The following NLK variants were observed in gnomAD, a reference collection of about 807,000 sequenced individuals.
NLK encodes serine/threonine-protein kinase NLK.
In NLK, 11 loss-of-function variants were observed where a neutral mutation model predicts 59.0. The ratio of observed to expected loss-of-function variants is 0.19; its 90% CI spans 0.12 to 0.31. NLK has a LOEUF of 0.31. Ranked by LOEUF, NLK falls within the 10% of genes least tolerant of loss-of-function variation. NLK has a pLI of 1.00. For synonymous variants in NLK, 235 were observed against 235.9 expected, an observed-to-expected ratio of 1.00 and a Z score of 0.03; for missense variants, 410 against 661.1, an observed-to-expected ratio of 0.62 and a Z score of 4.16.
intron 2 of NLK, among the ~76,000 whole-genome samples, 181 bp downstream of exon 2, chr17:28,122,913 AG>A (rs1906127198): frequency 6.6e-6 from 1 of 152,188 alleles, no homozygotes; most frequent in Admixed American, 6.5e-5. Context: ...ACCTATTGAT[AG>A]GCTTTCAATT....
chr17:28,133,213 CAT>C (rs1205738702), intron 3 of NLK, among the ~76,000 whole-genome samples: 2 of 152,150 alleles, frequency 1.3e-5, no homozygotes, highest in African/African-American at 2.4e-5. Context: ...GCTCTTTACA[CAT>C]GTTTATTTAA....
Position 28,194,602 on chromosome 17 carries a change from C to A in NLK, c.1550C>A (p.Ser517Tyr). ...SFISSTVAQP[S>Y]EMPPSPLVWE Reference sequence around the variant, plus strand: ...TCCAGTTCCACTGTTGCTCAGCCATCTGAGATGCCCCCATCTCCTCTGGTG... The same window carrying A: ...TCCAGTTCCACTGTTGCTCAGCCATATGAGATGCCCCCATCTCCTCTGGTG... The change falls in exon 11 of 11, where the codon TCT becomes TAT. Residue 517 changes from serine to tyrosine, a missense_variant. Around this residue, in one of 5 missense-constraint regions of NLK, gnomAD observed 25 missense variants for 29.7 expected, o/e 0.84. Coordinates refer to ENST00000407008, the MANE Select transcript of NLK (RefSeq NM_016231.5). 6.3e-7 allele frequency: 1 copy of A among 1,599,144 alleles called. No individual in the cohort carries two copies. Among genetic ancestry groups the A allele is most frequent in the African/African-American group, 1.3e-5 (1 of 74,926 alleles).
intron 1 of NLK, among the ~76,000 whole-genome samples, chr17:28,120,167 A>G (rs1905964523): frequency 6.6e-6 from 1 of 152,138 alleles, no homozygotes; most frequent in African/African-American, 2.4e-5. Flanking sequence ...GAATACAGCA[A>G]TATATCAATG....
At position 28,163,582 on chromosome 17, in the gene NLK, A is replaced by T; in HGVS notation, c.791A>T (p.Asp264Val). 1 of 1,609,416 alleles carries T rather than the reference A, an allele frequency of 6.2e-7. No homozygotes were observed. Among genetic ancestry groups the T allele is most frequent in the Non-Finnish European group, 8.5e-7 (1 of 1,176,830 alleles). Residue 264 changes from aspartate (D) to valine (V), a missense_variant, in exon 5 of 11, where the codon GAC becomes GTC. Around this residue, in one of 5 missense-constraint regions of NLK, gnomAD observed 73 missense variants for 197.2 expected, o/e 0.37. Transcript: ENST00000407008. ...CATTCAGCTGGCATTTTACATCGAG[A>T]CATTAAGCCAGGGAATCTCCTTGTG... is the stretch of plus-strand genomic sequence containing the variant. ...YLHSAGILHRDIKPGNLLVNS... is the reference protein window; with the variant it reads ...YLHSAGILHRVIKPGNLLVNS...
chr17:28,070,413 G>C (rs1373056296), intron 1 of NLK, among the ~76,000 whole-genome samples: 1 of 143,938 alleles, frequency 6.9e-6, no homozygotes, highest in East Asian at 2.1e-4. Context: ...GGAGTGCAGT[G>C]GTGCGATCTC....
chr17:28,203,948 G>A, the NLK span, among the ~76,000 whole-genome samples: 8 of 152,192 alleles, frequency 5.3e-5, no homozygotes, highest in Non-Finnish European at 8.8e-5. Context: ...TCAGTGGAAC[G>A]CTGACTTCTG....
intron 3 of NLK, among the ~76,000 whole-genome samples, chr17:28,147,051 C>A (rs964062560): frequency 6.6e-6 from 1 of 152,030 alleles, no homozygotes; most frequent in Non-Finnish European, 1.5e-5. Flanking sequence ...ACCTTCTTGC[C>A]CTCTCTCCTT....
intron 1 of NLK, chr17:28,116,364 C>A: frequency 5.1e-6 from 1 of 197,154 alleles, no homozygotes; most frequent in South Asian, 1.0e-4. Flanking sequence ...GAACCCCGGC[C>A]GAATTTTCAT....
At chr17:28,082,899 G>A (rs1910395957) in intron 1 of NLK, among the ~76,000 whole-genome samples, 1 of 152,174 alleles carries the variant, frequency 6.6e-6, no homozygotes, top group Non-Finnish European at 1.5e-5. Flanking sequence ...TTAGCCTTAA[G>A]AATTGGCTAT....
rs550221331 is a variant in NLK, at chr17:28,175,446, G to A, written c.1149+2828G>A. Reference sequence around the variant, plus strand: ...AGCCTGGGCGACACAGCAAGACTTCGTCTCAAAAAAAAAAAAAAATAGTGT... The same window carrying A: ...AGCCTGGGCGACACAGCAAGACTTCATCTCAAAAAAAAAAAAAAATAGTGT... On this transcript the variant is annotated intron_variant, in intron 7 of 10. Coordinates refer to ENST00000407008, the MANE Select transcript of NLK (RefSeq NM_016231.5). Among the ~76,000 whole-genome samples, 218 of 148,662 alleles carry A rather than the reference G, an allele frequency of 1.5e-3. 1 individual carries two copies. The highest frequency in any genetic ancestry group is 4.4e-3 in the African/African-American group (177 of 40,386).
At chr17:28,193,455 C>A (rs1421905436) in intron 10 of NLK, among the ~76,000 whole-genome samples, 1 of 152,144 alleles carries the variant, frequency 6.6e-6, no homozygotes, top group Non-Finnish European at 1.5e-5. Context: ...CAAAAACAGG[C>A]ACAACAAACC....
chr17:28,053,685 A>C, intron 1 of NLK, among the ~76,000 whole-genome samples: 1 of 152,240 alleles, frequency 6.6e-6, no homozygotes, highest in South Asian at 2.1e-4. Context: ...AGGTGAAAAG[A>C]GACATTTGAA....
intron 1 of NLK, among the ~76,000 whole-genome samples, chr17:28,064,525 CAT>C (rs1374976086): frequency 6.6e-6 from 1 of 152,046 alleles, no homozygotes; most frequent in African/African-American, 2.4e-5. Flanking sequence ...AAATTAATAT[CAT>C]ATGAAGCAGG....
intron 1 of NLK, among the ~76,000 whole-genome samples, chr17:28,054,885 G>GAAAATAA (rs1021940257): frequency 5.3e-5 from 8 of 152,044 alleles, no homozygotes; most frequent in Non-Finnish European, 8.8e-5. Flanking sequence ...CATCTCTACA[G>GAAAATAA]AAAATAAAAA....
intron 1 of NLK, among the ~76,000 whole-genome samples, chr17:28,045,527 G>C (rs145842148): frequency 1.4e-4 from 22 of 152,226 alleles, no homozygotes; most frequent in African/African-American, 5.3e-4. Context: ...TTTTAACCAA[G>C]TTTTTCTAGT....
chr17:28,079,427 A>G (rs1283650186), intron 1 of NLK, among the ~76,000 whole-genome samples: 2 of 152,154 alleles, frequency 1.3e-5, no homozygotes, highest in Non-Finnish European at 2.9e-5. Flanking sequence ...TAAGTTTTTG[A>G]AGAGCCTTCA....
chr17:28,065,728 T>TCCTTATCCC (rs1234387155), intron 1 of NLK, among the ~76,000 whole-genome samples: 1 of 152,184 alleles, frequency 6.6e-6, no homozygotes, highest in Non-Finnish European at 1.5e-5. Flanking sequence ...AAAACATTTC[T>TCCTTATCCC]CCTTATCCCA....
At chr17:28,084,867 C>G (rs757508993) in intron 1 of NLK, among the ~76,000 whole-genome samples, 1 of 152,156 alleles carries the variant, frequency 6.6e-6, no homozygotes, top group Non-Finnish European at 1.5e-5. Context: ...CAGCCCCTGT[C>G]CCTACCTTTT....
At chr17:28,053,677 G>A (rs911042562) in intron 1 of NLK, among the ~76,000 whole-genome samples, 3 of 152,146 alleles carry the variant, frequency 2.0e-5, no homozygotes, top group Non-Finnish European at 4.4e-5. Context: ...CAGAAAAAAG[G>A]TGAAAAGAGA....
Sources: allele counts gnomAD v4.1 joint callset (sites outside exome capture counted in the v4.1 genomes callset), GRCh38; gene constraint gnomAD v4.1.1; regional missense constraint gnomAD v4.1.1; transcripts MANE v1.5; gene names NCBI Gene and HGNC (gene_info 2026-07-23, HGNC 2026-07-21).